The following EPAS1 variants were observed in gnomAD, a reference collection of about 807,000 sequenced individuals.
The protein encoded by EPAS1 is endothelial PAS domain-containing protein 1.
EPAS1 carries 23 observed loss-of-function variants against 87.9 expected under a neutral mutation model. The observed-to-expected ratio is 0.26, with a 90% CI of 0.19 to 0.37. The LOEUF is 0.37. Ranked by LOEUF, EPAS1 falls within the 10% of genes least tolerant of loss-of-function variation. The pLI is 1.00. For synonymous variants in EPAS1, 508 were observed against 444.3 expected (o/e 1.14, Z -1.80); for missense variants, 1,138 against 1,120.7 (o/e 1.02, Z -0.22).
chr2:46,304,079 C>A (rs185668565), intron 1 of EPAS1, among the ~76,000 whole-genome samples: 2 of 152,294 alleles, frequency 1.3e-5, no homozygotes, highest in East Asian at 3.9e-4. Context: ...AATTTATCCT[C>A]AAATGTTCCA....
chr2:46,357,217 T>A (rs915709669), intron 4 of EPAS1, among the ~76,000 whole-genome samples: 3 of 152,220 alleles, frequency 2.0e-5, no homozygotes, highest in Non-Finnish European at 2.9e-5. Flanking sequence ...AGGGCTTTGA[T>A]GATTATCTCC....
At position 46,380,991 on chromosome 2, in the gene EPAS1, G is replaced by A. The variant is rs1353489637; in HGVS notation, c.2045+274G>A. 6.6e-6 allele frequency among the ~76,000 whole-genome samples: 1 copy of A among 152,182 alleles called. No homozygotes were observed. Among genetic ancestry groups the A allele is most frequent in the Non-Finnish European group, 1.5e-5 (1 of 68,030 alleles). On this transcript the variant is annotated intron_variant, in intron 12 of 15. Coordinates refer to ENST00000263734, the MANE Select transcript of EPAS1 (RefSeq NM_001430.5). This position sits in a 1 kb window ranked among gnomAD's most constrained non-coding sequence, Gnocchi z 4.4. ...TGTCTCCCTTCGGACCACCACCAGA[G>A]TGCCTTTCGTATCTCGGTTCATCAT...
chr2:46,380,051 C>T lies in EPAS1; in HGVS notation c.1555-176C>T. On this transcript the variant is annotated intron_variant, in intron 11 of 15. Coordinates refer to ENST00000263734, the MANE Select transcript of EPAS1 (RefSeq NM_001430.5). The surrounding 1 kb of genome is among the most constrained non-coding windows in gnomAD (Gnocchi z 4.4). ...CTGGTACATGATACAAGGTCGTGTA[C>T]ATGACACAGCCAAGTCTGAGGTTTT... 1.0e-6 allele frequency: 1 copy of T among 952,996 alleles called. No individual in the cohort carries two copies. The highest frequency in any genetic ancestry group is 1.7e-5 in the Admixed American group (1 of 57,918). The allele number at this position is 952,996 out of a possible 1,614,324, so 59.0% of individuals were successfully genotyped here. A position where few individuals can be genotyped will look rare whatever the true frequency, so the allele number is the denominator to read the frequency against.
intron 1 of EPAS1, among the ~76,000 whole-genome samples, chr2:46,305,008 A>C (rs1683080937): frequency 1.3e-5 from 2 of 152,222 alleles, no homozygotes; most frequent in African/African-American, 4.8e-5. Flanking sequence ...GAGTTTTTCT[A>C]GTGCTGCCAA....
chr2:46,342,082 C>A (rs554936054), intron 1 of EPAS1, among the ~76,000 whole-genome samples: 376 of 152,276 alleles, frequency 2.5e-3, no homozygotes, highest in Admixed American at 5.0e-3. Context: ...TTTAAAACTC[C>A]CATTGCCCAG....
In EPAS1 at chr2:46,300,654, G is replaced by GA. The variant is rs905415842; in HGVS notation, c.26+2724dup. On this transcript the variant is annotated intron_variant, in intron 1 of 15. Coordinates refer to ENST00000263734, the MANE Select transcript of EPAS1 (RefSeq NM_001430.5). The surrounding 1 kb of genome is among the most constrained non-coding windows in gnomAD (Gnocchi z 4.1). ...AGGAATGCCTGAGTCCTTTCACTGG[G>GA]AAAAAAATGTGGAAATTCTGGGATT... Among the ~76,000 whole-genome samples the GA allele has an allele frequency of 5.1e-4, 77 of 152,104 alleles. No individual in the cohort carries two copies. Among genetic ancestry groups the GA allele is most frequent in the African/African-American group, 1.8e-3 (74 of 41,474 alleles).
At chr2:46,330,940 C>A (rs1280711630) in intron 1 of EPAS1, among the ~76,000 whole-genome samples, 1 of 150,198 alleles carries the variant, frequency 6.7e-6, no homozygotes, top group Non-Finnish European at 1.5e-5. Context: ...TTTTTTTTTT[C>A]CTCCCCATTT....
At chr2:46,335,127 C>T (rs749775241) in intron 1 of EPAS1, among the ~76,000 whole-genome samples, 10 of 152,040 alleles carry the variant, frequency 6.6e-5, no homozygotes, top group South Asian at 2.1e-4. Context: ...TGAGGGATCC[C>T]GTGCTTTCTC....
At chr2:46,309,663 T>A (rs756730005) in intron 1 of EPAS1, among the ~76,000 whole-genome samples, 4 of 152,156 alleles carry the variant, frequency 2.6e-5, no homozygotes, top group Non-Finnish European at 5.9e-5. Flanking sequence ...ATTGCGTAAG[T>A]AAAATGAGAA....
chr2:46,384,559 G>A lies in EPAS1; in HGVS notation c.2512G>A (p.Glu838Lys), dbSNP rs770192015. Residue 838 changes from glutamate to lysine, a missense_variant, in exon 16 of 16, where the codon GAA becomes AAA. By Grantham distance (56) the Glu-to-Lys change is moderately conservative. Transcript: ENST00000263734. ...CTCATTTGAGTCCTACCTGCTGCCC[G>A]AACTGACCAGATATGACTGTGAGGT... ...GPSFESYLLP[E>K]LTRYDCEVNV... 8.7e-6 allele frequency: 14 copies of A among 1,614,050 alleles called. No homozygotes were observed. Among genetic ancestry groups the A allele is most frequent in the Admixed American group, 8.3e-5 (5 of 60,016 alleles).
At chr2:46,308,803 G>A (rs1683157796) in intron 1 of EPAS1, among the ~76,000 whole-genome samples, 1 of 152,208 alleles carries the variant, frequency 6.6e-6, no homozygotes, top group African/African-American at 2.4e-5. Context: ...GCAAGATGGG[G>A]AAGTTGTGCA....
intron 1 of EPAS1, among the ~76,000 whole-genome samples, chr2:46,313,114 A>G (rs1454704383): frequency 6.6e-6 from 1 of 152,198 alleles, no homozygotes; most frequent in Non-Finnish European, 1.5e-5. Context: ...GAATGTTGAC[A>G]CCTAAAAGAT....
At chr2:46,356,127 T>TTGGGGGGGGGGGGG in intron 2 of EPAS1, 24 bp from the exon 3 acceptor site, 1 of 1,395,470 alleles carries the variant, frequency 7.2e-7, no homozygotes, top group Non-Finnish European at 9.9e-7. Flanking sequence ...TCATGCAAGC[T>TTGGGGGGGGGGGGG]GTCCCACCCC....
intron 1 of EPAS1, among the ~76,000 whole-genome samples, chr2:46,329,168 C>G (rs571887123): frequency 7.9e-5 from 12 of 152,162 alleles, no homozygotes; most frequent in Non-Finnish European, 1.5e-4. Flanking sequence ...TTCCAGAAAC[C>G]CTTCCTGGTT....
chr2:46,300,081 C>G lies in EPAS1; in HGVS notation c.26+2144C>G, dbSNP rs77363312. Among the ~76,000 whole-genome samples the G allele has an allele frequency of 3.4e-4, 51 of 150,208 alleles. No homozygotes were observed. The highest frequency in any genetic ancestry group is 1.2e-3 in the African/African-American group (47 of 39,532). ...CATCTAGAGCCCCTTAAGGGGTTGT[C>G]CAATTCCTATTGGGCTAATCAGTTT... On this transcript the variant is annotated intron_variant, in intron 1 of 15. Coordinates refer to ENST00000263734, the MANE Select transcript of EPAS1 (RefSeq NM_001430.5). This position sits in a 1 kb window ranked among gnomAD's most constrained non-coding sequence, Gnocchi z 4.1.
intron 1 of EPAS1, among the ~76,000 whole-genome samples, chr2:46,313,731 A>G (rs1166234568): frequency 6.6e-6 from 1 of 152,160 alleles, no homozygotes; most frequent in African/African-American, 2.4e-5. Context: ...GATTACAGGC[A>G]TGAGCCACGG....
Position 46,347,083 on chromosome 2 carries a change from C to T in EPAS1, c.217+20C>T. The T allele has an allele frequency of 6.2e-7, 1 of 1,614,050 alleles. No homozygotes were observed. The highest frequency in any genetic ancestry group is 8.5e-7 in the Non-Finnish European group (1 of 1,179,922). ...CCTCAGGTAAGGCCAGCAGGCTCCC[C>T]TAGGCTGGGCAGATGCCAGCCTTAC... On this transcript the variant is annotated intron_variant, in intron 2 of 15. Coordinates refer to ENST00000263734, the MANE Select transcript of EPAS1 (RefSeq NM_001430.5). The surrounding 1 kb of genome is among the most constrained non-coding windows in gnomAD (Gnocchi z 4.2).
chr2:46,361,776 T>A (rs1377380726), intron 6 of EPAS1, among the ~76,000 whole-genome samples: 4 of 152,222 alleles, frequency 2.6e-5, no homozygotes, highest in Non-Finnish European at 5.9e-5. Flanking sequence ...CTAAGACTGC[T>A]TAGGCATGTC....
chr2:46,362,980 G>GGTGGTA (rs1188321546), intron 6 of EPAS1, among the ~76,000 whole-genome samples: 11 of 89,600 alleles, frequency 1.2e-4, no homozygotes, highest in African/African-American at 9.3e-5. Flanking sequence ...TGGTGGTAGT[G>GGTGGTA]GTGGTGGTGG....
Sources: gnomAD v4.1 joint callset for allele counts (sites outside exome capture counted in the v4.1 genomes callset) on GRCh38, gnomAD v4.1.1 for gene constraint, Gnocchi (gnomAD v3.1) non-coding constraint, MANE v1.5 for transcripts, NCBI Gene and HGNC (gene_info 2026-07-23, HGNC 2026-07-21) for gene names.